PDE4B: variants seen among roughly 807,000 people sequenced by gnomAD.
The protein encoded by PDE4B is 3',5'-cyclic-AMP phosphodiesterase 4B.
PDE4B carries 20 observed loss-of-function variants against 82.2 expected under a neutral mutation model. That is an observed-to-expected ratio of 0.24 (90% CI 0.17 to 0.35). PDE4B has a LOEUF of 0.35. PDE4B is among the 10% of genes least tolerant of loss of function. The probability of loss-of-function intolerance (pLI) is 1.00; values close to 1 mark genes in which losing one functional copy is unlikely to be tolerated. For synonymous variants in PDE4B, 320 were observed against 318.9 expected, an observed-to-expected ratio of 1.00 and a Z score of -0.04; for missense variants, 655 against 907.2, an observed-to-expected ratio of 0.72 and a Z score of 3.57.
intron 1 of PDE4B, among the ~76,000 whole-genome samples, chr1:65,820,844 C>A (rs1645943963): frequency 6.6e-6 from 1 of 152,200 alleles, no homozygotes; most frequent in Non-Finnish European, 1.5e-5. Flanking sequence ...CATCCACTTT[C>A]ACTCCTAGGA....
intron 1 of PDE4B, among the ~76,000 whole-genome samples, chr1:65,805,666 T>C (rs1645747095): frequency 6.6e-6 from 1 of 152,202 alleles, no homozygotes; most frequent in Non-Finnish European, 1.5e-5. Context: ...TAAGGAAGAG[T>C]ATTTAAAGGT....
intron 7 of PDE4B, among the ~76,000 whole-genome samples, chr1:66,270,284 C>T (rs1294369575): frequency 6.6e-6 from 1 of 152,180 alleles, no homozygotes; most frequent in African/African-American, 2.4e-5. Flanking sequence ...GAGGAATTGG[C>T]TTTTTACCAA....
intron 3 of PDE4B, among the ~76,000 whole-genome samples, chr1:66,020,340 G>T (rs1346620168): frequency 6.6e-6 from 1 of 151,910 alleles, no homozygotes. Flanking sequence ...TATACTTTAA[G>T]CTCTACGGTA....
At chr1:65,814,517 A>G (rs933309141) in intron 1 of PDE4B, among the ~76,000 whole-genome samples, 1 of 152,198 alleles carries the variant, frequency 6.6e-6, no homozygotes, top group Non-Finnish European at 1.5e-5. Context: ...TTTAGTGACT[A>G]TTGACAAATG....
chr1:66,134,968 A>T (rs1420116500), intron 3 of PDE4B, among the ~76,000 whole-genome samples: 1 of 152,246 alleles, frequency 6.6e-6, no homozygotes, highest in Non-Finnish European at 1.5e-5. Context: ...ACATAGTCGT[A>T]CAAAAGGATA....
chr1:66,000,869 A>G (rs1040980380), intron 3 of PDE4B, among the ~76,000 whole-genome samples: 17 of 152,142 alleles, frequency 1.1e-4, no homozygotes, highest in African/African-American at 4.1e-4. Context: ...TTTCTGGAAA[A>G]TCAGTGATCT....
rs34263724 is a variant in PDE4B at position 65,887,414 on chromosome 1, GTT to G, written c.-70-25808_-70-25807del. ...TTTTCTTTCTTTTTCTTTTTCTTCT[GTT>G]TTTTTTTTTTTTTTTTTTTTTTACA... On this transcript the variant is annotated intron_variant, in intron 1 of 16. Transcript: ENST00000341517. 1.7e-3 allele frequency among the ~76,000 whole-genome samples: 13 copies of G among 7,734 alleles called. 3 individuals carry two copies. The highest frequency in any genetic ancestry group is 9.8e-3 in the African/African-American group (13 of 1,322). 5.1% of individuals were successfully genotyped at this position (7,734 alleles called of 152,430 possible). A position where few individuals can be genotyped will look rare whatever the true frequency, so the allele number is the denominator to read the frequency against.
At chr1:66,227,187 AAAGTTGTGT>A (rs1651521355) in intron 3 of PDE4B, among the ~76,000 whole-genome samples, 1 of 152,216 alleles carries the variant, frequency 6.6e-6, no homozygotes, top group Non-Finnish European at 1.5e-5. Context: ...ATCCATGTGT[AAAGTTGTGT>A]AGGCACTGGA....
intron 1 of PDE4B, among the ~76,000 whole-genome samples, chr1:65,885,985 T>C (rs965958743): frequency 6.6e-6 from 1 of 151,170 alleles, no homozygotes; most frequent in Non-Finnish European, 1.5e-5. Context: ...GTACCTAAAA[T>C]TCGGCCAGTT....
intron 1 of PDE4B, among the ~76,000 whole-genome samples, chr1:65,810,213 T>C (rs565544824): frequency 6.6e-6 from 1 of 152,376 alleles, no homozygotes; most frequent in East Asian, 1.9e-4. Context: ...CTTTCTGCTC[T>C]AGCAAAGGTA....
chr1:66,288,166 G>C (rs894554596), intron 7 of PDE4B, among the ~76,000 whole-genome samples: 29 of 152,014 alleles, frequency 1.9e-4, no homozygotes, highest in African/African-American at 6.3e-4. Flanking sequence ...CATGGCAGAA[G>C]GTGAAGGGGA....
At chr1:66,316,929 A>G (rs1404470534) in intron 7 of PDE4B, among the ~76,000 whole-genome samples, 1 of 152,224 alleles carries the variant, frequency 6.6e-6, no homozygotes, top group African/African-American at 2.4e-5. Flanking sequence ...TAGGGCCGGA[A>G]CGGAAGTACT....
At chr1:65,919,610 T>C (rs1331899229) in intron 3 of PDE4B, among the ~76,000 whole-genome samples, 1 of 152,254 alleles carries the variant, frequency 6.6e-6, no homozygotes, top group Non-Finnish European at 1.5e-5. Context: ...GATATGATTT[T>C]AAATTAATAA....
intron 3 of PDE4B, among the ~76,000 whole-genome samples, chr1:65,974,365 G>A (rs952846081): frequency 2.6e-5 from 4 of 152,118 alleles, no homozygotes; most frequent in African/African-American, 9.7e-5. Flanking sequence ...ATAAACTACT[G>A]ATTGCTAAAG....
chr1:66,206,368 C>T (rs534931513), intron 3 of PDE4B, among the ~76,000 whole-genome samples: 51 of 152,152 alleles, frequency 3.4e-4, no homozygotes, highest in African/African-American at 9.9e-4. Flanking sequence ...GAATCTCTAG[C>T]GGGGGGATAC....
Position 66,173,632 on chromosome 1 carries a change from A to G in PDE4B, c.282-73828A>G, listed in dbSNP as rs1646879785. Among the ~76,000 whole-genome samples the G allele has an allele frequency of 2.0e-5, 3 of 152,232 alleles. No individual in the cohort carries two copies. The South Asian group carries it at 6.2e-4, about 31-fold the overall frequency. ...TGTTAAGTGGTAAAATGTTTTCAAG[A>G]TTCAACAGCTGAAGGCTTGGAAGCC... On this transcript the variant is annotated intron_variant, in intron 3 of 16. Coordinates refer to ENST00000341517, the MANE Select transcript of PDE4B (RefSeq NM_002600.4).
At chr1:65,984,432 C>A (rs1650849962) in intron 3 of PDE4B, among the ~76,000 whole-genome samples, 1 of 152,074 alleles carries the variant, frequency 6.6e-6, no homozygotes, top group Admixed American at 6.6e-5. Flanking sequence ...CTATGTGTGT[C>A]AACTTTCATA....
chr1:66,103,507 G>A (rs969782741), intron 3 of PDE4B, among the ~76,000 whole-genome samples: 2 of 152,066 alleles, frequency 1.3e-5, no homozygotes, highest in Non-Finnish European at 2.9e-5. Context: ...CATATTAATA[G>A]TGATATGGTT....
chr1:65,980,360 A>G (rs1650623640), intron 3 of PDE4B, among the ~76,000 whole-genome samples: 1 of 152,156 alleles, frequency 6.6e-6, no homozygotes, highest in Non-Finnish European at 1.5e-5. Flanking sequence ...GTACAGAAAA[A>G]TGGTGTTTTG....
Sources: allele counts gnomAD v4.1 joint callset (sites outside exome capture counted in the v4.1 genomes callset), GRCh38; gene constraint gnomAD v4.1.1; transcripts MANE v1.5; gene names NCBI Gene and HGNC (gene_info 2026-07-23, HGNC 2026-07-21).